The following FHOD3 variants were observed in gnomAD, a reference collection of about 807,000 sequenced individuals.
FHOD3 encodes FH1/FH2 domain-containing protein 3.
FHOD3 carries 90 observed loss-of-function variants against 173.0 expected under a neutral mutation model. That is an observed-to-expected ratio of 0.52 (90% confidence interval 0.44 to 0.62). The LOEUF is 0.62. FHOD3 is among the 20% of genes least tolerant of loss of function. The pLI is 0.00. For missense variants in FHOD3, 1,945 were observed against 2,034.7 expected (o/e 0.96, Z 0.85); for synonymous variants, 828 against 823.0 (o/e 1.01, Z -0.10).
intron 23 of FHOD3, among the ~76,000 whole-genome samples, chr18:36,745,145 G>A (rs1380136749): frequency 6.6e-6 from 1 of 152,176 alleles, no homozygotes; most frequent in Admixed American, 6.5e-5. Flanking sequence ...TTCTGCCACA[G>A]CCCTGGCTTG....
chr18:36,735,594 T>C (rs2041590500), intron 20 of FHOD3, among the ~76,000 whole-genome samples: 2 of 152,218 alleles, frequency 1.3e-5, no homozygotes, highest in Admixed American at 6.5e-5. Flanking sequence ...AGTGCCTCAA[T>C]GAATAATCAT....
intron 3 of FHOD3, among the ~76,000 whole-genome samples, chr18:36,387,883 A>G (rs1246322266): frequency 3.9e-5 from 6 of 151,926 alleles, no homozygotes; most frequent in Non-Finnish European, 1.5e-5. Flanking sequence ...CTGTGTGACC[A>G]TTACAGGAAG....
At chr18:36,300,068 A>C (rs1385515989) in intron 1 of FHOD3, among the ~76,000 whole-genome samples, 1 of 152,202 alleles carries the variant, frequency 6.6e-6, no homozygotes, top group Non-Finnish European at 1.5e-5. Flanking sequence ...CATGTAGTGT[A>C]TGCCCCACCC....
intron 19 of FHOD3, among the ~76,000 whole-genome samples, chr18:36,726,569 C>T (rs1331262600): frequency 6.6e-6 from 1 of 152,172 alleles, no homozygotes; most frequent in Admixed American, 6.5e-5. Flanking sequence ...TGCTTTATAT[C>T]CTCTTCCCAT....
intron 3 of FHOD3, among the ~76,000 whole-genome samples, chr18:36,415,533 T>C (rs1321119693): frequency 6.6e-6 from 1 of 152,250 alleles, no homozygotes; most frequent in Non-Finnish European, 1.5e-5. Flanking sequence ...CATGATTTGG[T>C]CTGTCACTGA....
intron 19 of FHOD3, among the ~76,000 whole-genome samples, chr18:36,722,836 C>T (rs1164506297): frequency 1.3e-5 from 2 of 152,156 alleles, no homozygotes; most frequent in African/African-American, 2.4e-5. Context: ...TGTTCCCCAC[C>T]ACCACTCTCC....
intron 3 of FHOD3, among the ~76,000 whole-genome samples, chr18:36,501,455 G>T (rs2055027892): frequency 6.6e-6 from 1 of 152,178 alleles, no homozygotes; most frequent in South Asian, 2.1e-4. Context: ...GGGGGTGCAG[G>T]GCCTGTAAGG....
intron 5 of FHOD3, among the ~76,000 whole-genome samples, chr18:36,564,271 C>A (rs572972268): frequency 4.6e-5 from 7 of 152,290 alleles, no homozygotes; most frequent in African/African-American, 1.2e-4. Context: ...TAGAATAGAT[C>A]ATTAAAATGA....
intron 3 of FHOD3, among the ~76,000 whole-genome samples, chr18:36,425,397 A>G (rs8090137): frequency 0.019 from 2,888 of 152,308 alleles, 87 homozygotes; most frequent in African/African-American, 0.066. Context: ...TAGCTTATCA[A>G]TGAAGGGGAG....
intron 6 of FHOD3, among the ~76,000 whole-genome samples, chr18:36,584,451 G>T (rs2058958993): frequency 6.6e-6 from 1 of 152,154 alleles, no homozygotes; most frequent in African/African-American, 2.4e-5. Flanking sequence ...TACTCAGCCA[G>T]CAAATTCTAT....
intron 1 of FHOD3, among the ~76,000 whole-genome samples, chr18:36,333,851 G>A (rs1389285812): frequency 6.6e-6 from 1 of 152,190 alleles, no homozygotes. Context: ...TAGTCAACCT[G>A]GATGGACAAC....
At chr18:36,667,679 TG>T (rs1338372958) in intron 14 of FHOD3, among the ~76,000 whole-genome samples, 1 of 152,186 alleles carries the variant, frequency 6.6e-6, no homozygotes, top group Non-Finnish European at 1.5e-5. Flanking sequence ...TCACCATGAA[TG>T]GAGCTTACAG....
At chr18:36,410,782 A>G (rs1003556218) in intron 3 of FHOD3, among the ~76,000 whole-genome samples, 2 of 152,118 alleles carry the variant, frequency 1.3e-5, no homozygotes, top group Admixed American at 6.5e-5. Context: ...TCATGTGCCT[A>G]TTGGGCATTT....
intron 6 of FHOD3, among the ~76,000 whole-genome samples, chr18:36,587,947 G>T (rs551223401): frequency 6.6e-6 from 1 of 152,138 alleles, no homozygotes; most frequent in Non-Finnish European, 1.5e-5. Context: ...ATTGCATTGT[G>T]TCATAAGCAG....
intron 1 of FHOD3, among the ~76,000 whole-genome samples, chr18:36,299,319 G>A (rs533297868): frequency 6.6e-5 from 10 of 152,292 alleles, no homozygotes; most frequent in Admixed American, 4.6e-4. Context: ...GGAGACAGAG[G>A]GTCGTCATCA....
intron 13 of FHOD3, among the ~76,000 whole-genome samples, chr18:36,654,062 T>G (rs966104484): frequency 4.6e-5 from 7 of 152,202 alleles, no homozygotes; most frequent in Admixed American, 3.9e-4. Context: ...GTCTGTCATT[T>G]AGGCAGTCAG....
intron 3 of FHOD3, among the ~76,000 whole-genome samples, chr18:36,424,768 T>A (rs1477692955): frequency 6.6e-6 from 1 of 152,264 alleles, no homozygotes; most frequent in East Asian, 1.9e-4. Flanking sequence ...AAACAATTCA[T>A]AAGTTTTCAA....
At chr18:36,566,201 G>T (rs2058257318) in intron 5 of FHOD3, among the ~76,000 whole-genome samples, 1 of 152,108 alleles carries the variant, frequency 6.6e-6, no homozygotes. Context: ...TGGCGTTTTG[G>T]TATCTTTGGC....
At chr18:36,444,192 C>CAAAAAAAAAA (rs71168225) in intron 3 of FHOD3, among the ~76,000 whole-genome samples, 1 of 88,086 alleles carries the variant, frequency 1.1e-5, no homozygotes, top group African/African-American at 4.7e-5. Flanking sequence ...GACTCCGTCT[C>CAAAAAAAAAA]AAAAAAAAAA....
Sources: allele counts gnomAD v4.1 joint callset (sites outside exome capture counted in the v4.1 genomes callset), GRCh38; gene constraint gnomAD v4.1.1; transcripts MANE v1.5; gene names NCBI Gene and HGNC (gene_info 2026-07-23, HGNC 2026-07-21).